SNTG1: variants seen among roughly 807,000 people sequenced by gnomAD.
SNTG1 encodes the protein syntrophin gamma 1, also known as gamma-1-syntrophin.
In SNTG1, 39 loss-of-function variants were observed where a neutral mutation model predicts 74.7. That is an observed-to-expected ratio of 0.52 (90% CI 0.40 to 0.68). The LOEUF is 0.68. Among genes scored for constraint, SNTG1 ranks in the 30% least tolerant of loss-of-function variants. SNTG1 has a pLI of 0.00. For synonymous variants in SNTG1, 254 were observed against 217.1 expected (o/e 1.17, Z -1.49); for missense variants, 685 against 609.5 (o/e 1.12, Z -1.30).
intron 13 of SNTG1, among the ~76,000 whole-genome samples, chr8:50,639,601 T>C (rs1229860995): frequency 6.6e-6 from 1 of 152,054 alleles, no homozygotes; most frequent in Non-Finnish European, 1.5e-5. Context: ...ATGCTTATAA[T>C]GTCCTACCTG....
At chr8:50,073,812 A>T (rs1821586560) in intron 1 of SNTG1, among the ~76,000 whole-genome samples, 1 of 151,730 alleles carries the variant, frequency 6.6e-6, no homozygotes, top group Non-Finnish European at 1.5e-5. Context: ...ATTTTTTGAA[A>T]GAGATTTTTT....
intron 11 of SNTG1, among the ~76,000 whole-genome samples, chr8:50,552,818 A>G (rs2094434715): frequency 6.6e-6 from 1 of 152,218 alleles, no homozygotes; most frequent in Non-Finnish European, 1.5e-5. Context: ...GTTTCTCCAT[A>G]GTTACCTGAA....
At chr8:50,342,605 A>AT (rs2091350504) in intron 2 of SNTG1, among the ~76,000 whole-genome samples, 1 of 152,202 alleles carries the variant, frequency 6.6e-6, no homozygotes, top group Non-Finnish European at 1.5e-5. Context: ...TGACTCAATC[A>AT]TGTTACATTC....
chr8:50,607,415 A>C (rs570387357), intron 13 of SNTG1, among the ~76,000 whole-genome samples: 1 of 151,786 alleles, frequency 6.6e-6, no homozygotes, highest in East Asian at 1.9e-4. Flanking sequence ...CAAGTTATCA[A>C]ATTTATTTTT....
chr8:50,493,586 G>A (rs900160933), intron 8 of SNTG1, among the ~76,000 whole-genome samples: 1 of 151,994 alleles, frequency 6.6e-6, no homozygotes, highest in Non-Finnish European at 1.5e-5. Context: ...GAGTGGTGTT[G>A]ATTAAACATT....
intron 1 of SNTG1, among the ~76,000 whole-genome samples, chr8:49,998,046 A>G (rs1814396064): frequency 6.6e-6 from 1 of 152,184 alleles, no homozygotes; most frequent in Non-Finnish European, 1.5e-5. Flanking sequence ...GGTATAGCCT[A>G]TTGCTCTTAG....
intron 17 of SNTG1, among the ~76,000 whole-genome samples, chr8:50,737,276 A>AT (rs1396160555): frequency 1.1e-4 from 16 of 152,166 alleles, no homozygotes; most frequent in African/African-American, 3.9e-4. Context: ...GAATACTATA[A>AT]ACAGCTCTAT....
In SNTG1 at chr8:50,431,829, T is replaced by A. The variant is rs1214988512; in HGVS notation, c.163-6714T>A. Among the ~76,000 whole-genome samples the A allele has an allele frequency of 4.6e-5, 7 of 152,332 alleles. No individual in the cohort carries two copies. The East Asian group carries it at 9.6e-4, about 21-fold the overall frequency. On this transcript the variant is annotated intron_variant, in intron 4 of 18. Transcript: ENST00000642720. ...CTTGCTTGCTATTTGCATATCTTTT[T>A]TGATTAAGTGTTTGCTCAAATACTT...
chr8:50,085,859 G>A (rs1822834643), intron 1 of SNTG1, among the ~76,000 whole-genome samples: 1 of 152,176 alleles, frequency 6.6e-6, no homozygotes, highest in Admixed American at 6.5e-5. Context: ...TGATGCCCAA[G>A]CCTTGTGTTG....
chr8:50,070,913 G>A lies in SNTG1; in HGVS notation c.-102-101648G>A, dbSNP rs112320939. On this transcript the variant is annotated intron_variant, in intron 1 of 18. Transcript: ENST00000642720. ...GACGGCTGGAGGCTGAGCCCTTCTC[G>A]TCTCCTTCTTCATGGAGGGTCGGAC... Among the ~76,000 whole-genome samples the A allele has an allele frequency of 8.5e-5, 13 of 152,262 alleles. 1 individual carries two copies. Among genetic ancestry groups the A allele is most frequent in the African/African-American group, 2.4e-4 (10 of 41,564 alleles).
intron 1 of SNTG1, among the ~76,000 whole-genome samples, chr8:49,921,064 A>C (rs61374770): frequency 0.032 from 4,922 of 152,196 alleles, 238 homozygotes; most frequent in African/African-American, 0.1. Flanking sequence ...GAACCCATTA[A>C]TTTTAGAAAG....
chr8:50,078,762 T>A (rs1822131847), intron 1 of SNTG1, among the ~76,000 whole-genome samples: 1 of 152,142 alleles, frequency 6.6e-6, no homozygotes, highest in South Asian at 2.1e-4. Flanking sequence ...CTTCCCTGTG[T>A]CCATGTGTTC....
chr8:50,626,180 T>C (rs1463539276), intron 13 of SNTG1, among the ~76,000 whole-genome samples: 1 of 152,166 alleles, frequency 6.6e-6, no homozygotes, highest in Admixed American at 6.6e-5. Context: ...TGAACTTCCT[T>C]TATATAACAC....
At chr8:50,214,755 A>G (rs560443875) in intron 2 of SNTG1, among the ~76,000 whole-genome samples, 8 of 152,240 alleles carry the variant, frequency 5.3e-5, no homozygotes, top group African/African-American at 1.4e-4. Flanking sequence ...TGTCCACCCT[A>G]GGGTTGGACA....
intron 2 of SNTG1, among the ~76,000 whole-genome samples, chr8:50,299,398 G>A (rs1012613542): frequency 1.3e-5 from 2 of 152,032 alleles, no homozygotes; most frequent in Admixed American, 1.3e-4. Flanking sequence ...GGGGGAAAAA[G>A]ACATCATATA....
chr8:50,340,992 C>T (rs558378984), intron 2 of SNTG1, among the ~76,000 whole-genome samples: 2 of 151,832 alleles, frequency 1.3e-5, no homozygotes, highest in Non-Finnish European at 2.9e-5. Context: ...TCATCTAATC[C>T]AAACCTCCAA....
In SNTG1 at chr8:50,781,382, G is replaced by T. The variant is rs190656421; in HGVS notation, c.1396-11289G>T. Among the ~76,000 whole-genome samples the T allele has an allele frequency of 9.0e-4, 137 of 152,190 alleles. 1 individual carries two copies. The highest frequency in any genetic ancestry group is 6.8e-3 in the Middle Eastern group (2 of 294). ...CTCAGGACTTGCTTTATGAATCTGG[G>T]TGCTCCTGTATTGGGTGCATATATA... On this transcript the variant is annotated intron_variant, in intron 18 of 18. Coordinates refer to ENST00000642720, the MANE Select transcript of SNTG1 (RefSeq NM_018967.5).
chr8:50,671,088 C>T (rs1471335595), intron 15 of SNTG1, among the ~76,000 whole-genome samples: 3 of 151,674 alleles, frequency 2.0e-5, no homozygotes, highest in Non-Finnish European at 4.4e-5. Flanking sequence ...ACCATAAAAA[C>T]CCTAGAAGAA....
At chr8:50,398,513 A>G (rs2092758003) in intron 3 of SNTG1, among the ~76,000 whole-genome samples, 3 of 152,190 alleles carry the variant, frequency 2.0e-5, no homozygotes, top group Admixed American at 1.3e-4. Flanking sequence ...TTTTTTCAAG[A>G]CAAACCACAC....
Sources: gnomAD v4.1 joint callset for allele counts (sites outside exome capture counted in the v4.1 genomes callset) on GRCh38, gnomAD v4.1.1 for gene constraint, MANE v1.5 for transcripts, NCBI Gene and HGNC (gene_info 2026-07-23, HGNC 2026-07-21) for gene names.